Variants in PFKL observed in about 807,000 individuals in gnomAD.
PFKL encodes the protein ATP-dependent 6-phosphofructokinase, liver type.
Under a neutral mutation model 92.1 loss-of-function variants are expected in PFKL, and 74 were observed. The observed-to-expected ratio is 0.80, with a 90% confidence interval of 0.67 to 0.97. The LOEUF (loss-of-function observed/expected upper bound fraction) is 0.97, where lower values mean the gene tolerates loss of function less well. Among genes scored for constraint, PFKL ranks in the 50% least tolerant of loss-of-function variants. The probability of loss-of-function intolerance (pLI) is 0.00; values close to 1 mark genes in which losing one functional copy is unlikely to be tolerated. For synonymous variants in PFKL, 494 were observed against 456.4 expected, an observed-to-expected ratio of 1.08 and a Z score of -1.05; for missense variants, 1,028 against 1,116.6, an observed-to-expected ratio of 0.92 and a Z score of 1.13.
chr21:44,316,228 C>A lies in PFKL; in HGVS notation c.748-16C>A. ...TCCCTGCCTGGCAGCTGAGCCCTGTCGTGTCTTTGACCCAGACTCGGAGCC... is the reference window on the plus strand; with the variant it reads ...TCCCTGCCTGGCAGCTGAGCCCTGTAGTGTCTTTGACCCAGACTCGGAGCC... On this transcript the variant is annotated splice_polypyrimidine_tract_variant and intron_variant, in intron 7 of 21. Transcript: ENST00000349048. 2 of 1,611,268 alleles carry A rather than the reference C, an allele frequency of 1.2e-6. No individual in the cohort carries two copies. The highest frequency in any genetic ancestry group is 8.5e-7 in the Non-Finnish European group (1 of 1,178,474).
rs57063627 is a variant in PFKL, at chr21:44,311,150, GCACACACAGACA to G, written c.237+78_237+89del. On this transcript the variant is annotated intron_variant, in intron 3 of 21. Coordinates refer to ENST00000349048, the MANE Select transcript of PFKL (RefSeq NM_002626.6). ...CAGACAGACACACAGAGACAGACCT[GCACACACAGACA>G]CACACACAGAGACAGACACGTGCAC... 0.01 allele frequency: 12,595 copies of G among 1,233,836 alleles called. 982 individuals carry two copies. The African/African-American group carries it at 0.17, about 16-fold the overall frequency. 76.4% of individuals were successfully genotyped at this position (1,233,836 alleles called of 1,614,324 possible).
intron 9 of PFKL, among the ~76,000 whole-genome samples, chr21:44,317,916 A>G (rs989544837): frequency 6.6e-6 from 1 of 152,244 alleles, no homozygotes; most frequent in Non-Finnish European, 1.5e-5. Flanking sequence ...CTGGGCTTCT[A>G]CAGGGCTGGC....
chr21:44,313,809 GAGAGAC>G (rs2047123648), intron 6 of PFKL, 98 bp from the exon 7 acceptor site: 1 of 1,317,856 alleles, frequency 7.6e-7, no homozygotes, highest in Non-Finnish European at 1.1e-6. Context: ...TGGGGGCCGG[GAGAGAC>G]AGAGAAGCTG....
rs1436725175 is a variant in PFKL, at chr21:44,306,752, G to A, written c.157G>A (p.Glu53Lys). The A allele has an allele frequency of 9.3e-6, 15 of 1,613,432 alleles. No individual in the cohort carries two copies. The highest frequency in any genetic ancestry group is 2.2e-5 in the East Asian group (1 of 44,888). The change falls in exon 2 of 22, where the codon GAG (glutamate) becomes AAG (lysine). Residue 53 changes from glutamate (E) to lysine (K), a missense_variant and splice_region_variant. By Grantham distance (56) the Glu-to-Lys change is moderately conservative (BLOSUM62 1). Transcript: ENST00000349048. ...YVGAKVFLIYEGYEGLVEGGE... is the reference protein window; with the variant it reads ...YVGAKVFLIYKGYEGLVEGGE... Reference sequence around the variant, plus strand: ...GGGTGCCAAAGTCTTCCTCATCTACGAGGTAAGGCCAAGGTGGGCTGTGTG... The same window carrying A: ...GGGTGCCAAAGTCTTCCTCATCTACAAGGTAAGGCCAAGGTGGGCTGTGTG...
intron 1 of PFKL, chr21:44,305,452 TG>T: frequency 1.7e-6 from 1 of 595,680 alleles, no homozygotes; most frequent in Non-Finnish European, 2.5e-6. Flanking sequence ...TACAGGGGGG[TG>T]GGAGGGCAGG....
chr21:44,314,207 C>T, intron 7 of PFKL, 186 bp downstream of exon 7: 3 of 592,016 alleles, frequency 5.1e-6, no homozygotes, highest in Admixed American at 3.0e-5. Flanking sequence ...AGTGAGGCAC[C>T]TGTGGTCCTG....
chr21:44,318,303 C>T (rs750274980), intron 9 of PFKL, among the ~76,000 whole-genome samples, 167 bp from the exon 10 acceptor site: 8 of 152,208 alleles, frequency 5.3e-5, no homozygotes, highest in Non-Finnish European at 1.2e-4. Flanking sequence ...GGTGTGCCGT[C>T]GTGAATGCTG....
chr21:44,324,007 T>C, intron 16 of PFKL, 89 bp downstream of exon 16: 1 of 1,489,350 alleles, frequency 6.7e-7, no homozygotes, highest in East Asian at 2.3e-5. Flanking sequence ...GGATAGTGTG[T>C]GGTGAGCACC....
intron 5 of PFKL, 91 bp from the exon 6 acceptor site, chr21:44,313,547 A>G (rs951438327): frequency 3.2e-6 from 4 of 1,264,102 alleles, no homozygotes; most frequent in Non-Finnish European, 4.5e-6. Context: ...CTGCCTCTCC[A>G]TCCACTGGGT....
rs1193432642 is a variant in PFKL, at chr21:44,326,886, C to T, written c.*24C>T. The T allele has an allele frequency of 6.3e-7, 1 of 1,586,280 alleles. No homozygotes were observed. The highest frequency in any genetic ancestry group is 8.6e-7 in the Non-Finnish European group (1 of 1,164,866). On this transcript the variant is annotated 3_prime_UTR_variant, in exon 22 of 22. Transcript: ENST00000349048. Reference sequence around the variant, plus strand: ...GAGGCCAGCCATGCCCACGCCCCTCCCCAGCCCCCACCCATGCCAGCGCAG... The same window carrying T: ...GAGGCCAGCCATGCCCACGCCCCTCTCCAGCCCCCACCCATGCCAGCGCAG...
chr21:44,302,834 CT>C (rs1283971865), intron 1 of PFKL, among the ~76,000 whole-genome samples: 1 of 152,230 alleles, frequency 6.6e-6, no homozygotes, highest in African/African-American at 2.4e-5. Context: ...CTGTGTGGCT[CT>C]GGGTCACGCC....
Position 44,316,572 on chromosome 21 carries a change from T to TGTGTGG in PFKL, c.936+62_936+67dup, listed in dbSNP as rs761580023. The TGTGTGG allele has an allele frequency of 4.9e-6, 7 of 1,432,976 alleles. No homozygotes were observed. The East Asian group carries it at 6.9e-5, about 14-fold the overall frequency. The allele number at this position is 1,432,976 out of a possible 1,614,324, so 88.8% of individuals were successfully genotyped here. A position where few individuals can be genotyped will look rare whatever the true frequency, so the allele number is the denominator to read the frequency against. The stretch of plus-strand genomic sequence containing the variant: ...TGCGTACGTGCGTGGGTAAGCGTGG[T>TGTGTGG]GTGTGGGTGTGGGTGTGGGCAGTGT... On this transcript the variant is annotated intron_variant, in intron 9 of 21. Coordinates refer to ENST00000349048, the MANE Select transcript of PFKL (RefSeq NM_002626.6).
intron 2 of PFKL, chr21:44,307,192 C>A: frequency 1.2e-6 from 1 of 812,810 alleles, no homozygotes; most frequent in Non-Finnish European, 1.5e-6. Flanking sequence ...TCCTGCCTCA[C>A]CACCCAGACC....
chr21:44,317,747 A>G (rs1263846825), intron 9 of PFKL, among the ~76,000 whole-genome samples: 1 of 152,150 alleles, frequency 6.6e-6, no homozygotes, highest in Non-Finnish European at 1.5e-5. Context: ...GCACTTTTCC[A>G]AGGAGCCTCA....
chr21:44,326,637 T>TG (rs1270250523), intron 21 of PFKL, 78 bp from the exon 22 acceptor site: 79 of 767,576 alleles, frequency 1.0e-4, no homozygotes, highest in Admixed American at 2.1e-4. Flanking sequence ...TCGGGGGGGG[T>TG]GGGGGGGCTG....
chr21:44,304,874 C>G (rs557400980), intron 1 of PFKL, among the ~76,000 whole-genome samples: 93 of 152,168 alleles, frequency 6.1e-4, no homozygotes, highest in African/African-American at 2.0e-3. Flanking sequence ...GTGCTCCCAT[C>G]TATGTGGGGA....
intron 9 of PFKL, among the ~76,000 whole-genome samples, chr21:44,316,999 G>A (rs2047227191): frequency 6.6e-6 from 1 of 152,206 alleles, no homozygotes; most frequent in African/African-American, 2.4e-5. Context: ...GGTGCCCATG[G>A]CGCCTGTGGC....
Position 44,327,276 on chromosome 21 carries a change from C to T in PFKL, c.*414C>T, listed in dbSNP as rs923370528. The T allele has an allele frequency of 2.2e-4, 49 of 225,610 alleles. No individual in the cohort carries two copies. The highest frequency in any genetic ancestry group is 1.0e-3 in the African/African-American group (45 of 44,850). The allele number at this position is 225,610 out of a possible 1,614,324, so 14.0% of individuals were successfully genotyped here. A position where few individuals can be genotyped will look rare whatever the true frequency, so the allele number is the denominator to read the frequency against. On this transcript the variant is annotated 3_prime_UTR_variant, in exon 22 of 22. Transcript: ENST00000349048. Reference sequence around the variant, plus strand: ...GTGTTGAGAGGGGGATGCCCCTGGCCCTGCCTCACTGTGACCTGCTCCTGC... The same window carrying T: ...GTGTTGAGAGGGGGATGCCCCTGGCTCTGCCTCACTGTGACCTGCTCCTGC...
In PFKL at chr21:44,317,009, C is replaced by T. The variant is rs541060661; in HGVS notation, c.936+485C>T. ...AGGGTGGTGCCCATGGCGCCTGTGG[C>T]GTCACAGTCTGGGAGGCTGGTGCTG... is the stretch of plus-strand genomic sequence containing the variant. On this transcript the variant is annotated intron_variant, in intron 9 of 21. Transcript: ENST00000349048. 1.4e-4 allele frequency among the ~76,000 whole-genome samples: 21 copies of T among 152,274 alleles called. No homozygotes were observed. The South Asian group carries it at 2.1e-3, about 15-fold the overall frequency.
Sources: allele counts gnomAD v4.1 joint callset (sites outside exome capture counted in the v4.1 genomes callset), GRCh38; gene constraint gnomAD v4.1.1; transcripts MANE v1.5; gene names NCBI Gene and HGNC (gene_info 2026-07-23, HGNC 2026-07-21).